ELAVL1: variants seen among roughly 807,000 people sequenced by gnomAD.
ELAVL1 encodes the protein ELAV-like protein 1.
A neutral mutation model predicts 28.4 loss-of-function variants in ELAVL1; 1 was observed. The observed-to-expected ratio is 0.04, with a 90% CI of 0.01 to 0.17. The LOEUF (loss-of-function observed/expected upper bound fraction) is 0.17, where lower values mean the gene tolerates loss of function less well. ELAVL1 is among the 10% of genes least tolerant of loss of function. The probability of loss-of-function intolerance (pLI) is 1.00; values close to 1 mark genes in which losing one functional copy is unlikely to be tolerated. For missense variants in ELAVL1, 157 were observed against 447.2 expected, an observed-to-expected ratio of 0.35 and a Z score of 5.85; for synonymous variants, 174 against 183.5, an observed-to-expected ratio of 0.95 and a Z score of 0.42.
chr19:7,974,713 T>A (rs1599668449), intron 3 of ELAVL1, among the ~76,000 whole-genome samples: 1 of 150,938 alleles, frequency 6.6e-6, no homozygotes, highest in African/African-American at 2.4e-5. Context: ...CCGAGAAGGG[T>A]GGGGACTTGA....
At chr19:7,994,379 C>T (rs899395912) in intron 1 of ELAVL1, among the ~76,000 whole-genome samples, 3 of 152,228 alleles carry the variant, frequency 2.0e-5, no homozygotes, top group Admixed American at 2.0e-4. Context: ...GACGGCCCCA[C>T]AACCAAGAAT....
chr19:7,963,953 G>A lies in ELAVL1; in HGVS notation c.657-146C>T, dbSNP rs146480472. The A allele has an allele frequency of 2.0e-4, 180 of 878,880 alleles. No individual in the cohort carries two copies. The East Asian group carries it at 4.5e-3, about 22-fold the overall frequency. 54.4% of individuals were successfully genotyped at this position (878,880 alleles called of 1,614,324 possible). A position where few individuals can be genotyped will look rare whatever the true frequency, so the allele number is the denominator to read the frequency against. Reference sequence around the variant, plus strand: ...GTGCTCACGGTTGAGACACCTGCATGGGTCAAAACCCTGGGAGGAATTAAA... The same window carrying A: ...GTGCTCACGGTTGAGACACCTGCATAGGTCAAAACCCTGGGAGGAATTAAA... On this transcript the variant is annotated intron_variant, in intron 5 of 5. Transcript: ENST00000407627. The surrounding 1 kb of genome is among the most constrained non-coding windows in gnomAD (Gnocchi z 4.5).
chr19:7,997,050 G>A lies in ELAVL1; in HGVS notation c.-16-5219C>T, dbSNP rs148798002. Among the ~76,000 whole-genome samples, 93 of 152,268 alleles carry A rather than the reference G, an allele frequency of 6.1e-4. 1 individual carries two copies. The highest frequency in any genetic ancestry group is 2.1e-3 in the African/African-American group (89 of 41,544). On this transcript the variant is annotated intron_variant, in intron 1 of 5. Transcript: ENST00000407627. ...ACAAAACAGACAATGTCAAGTGCTG[G>A]CAGGGATGTGGAGAAGCCAGAATAT...
At chr19:7,968,955 G>A (rs1599665435) in intron 4 of ELAVL1, among the ~76,000 whole-genome samples, 1 of 152,220 alleles carries the variant, frequency 6.6e-6, no homozygotes, top group African/African-American at 2.4e-5. Context: ...AGGCCCAGGG[G>A]TGGGAGAGGT....
In ELAVL1 at chr19:7,981,194, A is replaced by G. The variant is rs1327706196; in HGVS notation, c.173-8T>C. The G allele has an allele frequency of 6.2e-7, 1 of 1,614,126 alleles. No individual in the cohort carries two copies. Among genetic ancestry groups the G allele is most frequent in the Non-Finnish European group, 8.5e-7 (1 of 1,179,976 alleles). ...CATAGCCCAAGCTGTGTCCTGTGCA[A>G]GAGAACATGAAGACATTGGTAAGCC... On this transcript the variant is annotated splice_polypyrimidine_tract_variant and splice_region_variant and intron_variant, in intron 2 of 5. Transcript: ENST00000407627. The surrounding 1 kb of genome is among the most constrained non-coding windows in gnomAD (Gnocchi z 4.2).
intron 1 of ELAVL1, among the ~76,000 whole-genome samples, chr19:7,993,060 T>C (rs954989048): frequency 6.6e-6 from 1 of 152,244 alleles, no homozygotes; most frequent in African/African-American, 2.4e-5. Flanking sequence ...TGAGCCACTG[T>C]GTCCGGCTTC....
chr19:8,003,381 G>GAAAAA (rs71165249), intron 1 of ELAVL1, among the ~76,000 whole-genome samples: 8 of 88,726 alleles, frequency 9.0e-5, no homozygotes, highest in Non-Finnish European at 1.5e-4. Context: ...AAAAGAAAAA[G>GAAAAA]AAAAAAAAAA....
At position 7,967,228 on chromosome 19, in the gene ELAVL1, T is replaced by C. The variant is rs62123117; in HGVS notation, c.656+337A>G. Among the ~76,000 whole-genome samples the C allele has an allele frequency of 7.5e-3, 1,147 of 152,060 alleles. 5 individuals are homozygous for C. Among genetic ancestry groups the C allele is most frequent in the Non-Finnish European group, 0.013 (913 of 67,976 alleles). ...CTTTGTATTTTTTGTAGAGATGGGG[T>C]CTCGCAATATTGCCCAGGTTGGTCT... On this transcript the variant is annotated intron_variant, in intron 5 of 5. Coordinates refer to ENST00000407627, the MANE Select transcript of ELAVL1 (RefSeq NM_001419.3).
At chr19:8,003,647 G>C (rs1427639747) in intron 1 of ELAVL1, among the ~76,000 whole-genome samples, 1 of 141,420 alleles carries the variant, frequency 7.1e-6, no homozygotes, top group Non-Finnish European at 1.5e-5. Context: ...AGCCGAGATC[G>C]CACCACTGCA....
chr19:7,969,082 A>G (rs1478498448), intron 4 of ELAVL1, among the ~76,000 whole-genome samples: 1 of 152,214 alleles, frequency 6.6e-6, no homozygotes, highest in Non-Finnish European at 1.5e-5. Context: ...CAAGACTTTT[A>G]GTCAAGCCAG....
At chr19:7,999,148 G>A (rs184487923) in intron 1 of ELAVL1, among the ~76,000 whole-genome samples, 16 of 152,342 alleles carry the variant, frequency 1.1e-4, no homozygotes, top group Non-Finnish European at 1.6e-4. Context: ...CGAGGTAGGC[G>A]GATCACCTGA....
At chr19:7,969,979 A>AG (rs772977250) in intron 4 of ELAVL1, among the ~76,000 whole-genome samples, 10 of 150,558 alleles carry the variant, frequency 6.6e-5, no homozygotes, top group Non-Finnish European at 1.0e-4. Context: ...TTTTATTTTT[A>AG]ATTTTTTTTT....
chr19:7,977,645 G>A (rs1012890169), intron 3 of ELAVL1, among the ~76,000 whole-genome samples: 3 of 152,226 alleles, frequency 2.0e-5, no homozygotes, highest in Non-Finnish European at 4.4e-5. Flanking sequence ...ATGGGAAAAA[G>A]ATAGATAGGG....
intron 2 of ELAVL1, among the ~76,000 whole-genome samples, chr19:7,987,281 G>A (rs1985632639): frequency 6.6e-6 from 1 of 152,196 alleles, no homozygotes; most frequent in Admixed American, 6.5e-5. Context: ...CGTGAATGGG[G>A]CTGCAGCCTG....
chr19:7,971,699 C>T (rs1163136221), intron 4 of ELAVL1, among the ~76,000 whole-genome samples: 1 of 152,214 alleles, frequency 6.6e-6, no homozygotes, highest in Non-Finnish European at 1.5e-5. Context: ...TGCCAGGGCG[C>T]GAGTCTGTGC....
At chr19:8,003,691 CAAAAAAA>C (rs35438998) in intron 1 of ELAVL1, among the ~76,000 whole-genome samples, 1 of 80,778 alleles carries the variant, frequency 1.2e-5, no homozygotes, top group African/African-American at 4.9e-5. Context: ...GACTCCGTCT[CAAAAAAA>C]AAAAAAAAAA....
rs577361601 is a variant in ELAVL1, at chr19:7,959,178, T to C, written c.*4305A>G. 1 of 152,502 alleles carries C rather than the reference T, an allele frequency of 6.6e-6. No individual in the cohort carries two copies. Among genetic ancestry groups the C allele is most frequent in the East Asian group, 1.9e-4 (1 of 5,176 alleles). The allele number at this position is 152,502 out of a possible 1,614,324, so 9.4% of individuals were successfully genotyped here. On this transcript the variant is annotated 3_prime_UTR_variant, in exon 6 of 6. Transcript: ENST00000407627. ...CATAGGCATCTTCAAAAGAACACAATGGGATTCATTTTATTGTTGACTTTT... is the reference window on the plus strand; with the variant it reads ...CATAGGCATCTTCAAAAGAACACAACGGGATTCATTTTATTGTTGACTTTT...
At position 7,961,223 on chromosome 19, in the gene ELAVL1, G is replaced by A. The variant is rs1216567329; in HGVS notation, c.*2260C>T. On this transcript the variant is annotated 3_prime_UTR_variant, in exon 6 of 6. Transcript: ENST00000407627. ...CATCATTTTCACAGTTGAAGCTTAAGACAGAGTTCTCTGTTGAATGCTAGC... is the reference window on the plus strand; with the variant it reads ...CATCATTTTCACAGTTGAAGCTTAAAACAGAGTTCTCTGTTGAATGCTAGC... 1.3e-5 allele frequency: 2 copies of A among 152,268 alleles called. No individual in the cohort carries two copies. Among genetic ancestry groups the A allele is most frequent in the African/African-American group, 4.8e-5 (2 of 41,482 alleles). The allele number at this position is 152,268 out of a possible 1,614,324, so 9.4% of individuals were successfully genotyped here. A position where few individuals can be genotyped will look rare whatever the true frequency, so the allele number is the denominator to read the frequency against.
At chr19:7,968,766 T>C (rs1022119793) in intron 4 of ELAVL1, among the ~76,000 whole-genome samples, 2 of 152,164 alleles carry the variant, frequency 1.3e-5, no homozygotes, top group African/African-American at 4.8e-5. Context: ...AAGGAGAGCA[T>C]GGCTGTCCTG....
Sources: allele counts gnomAD v4.1 joint callset (sites outside exome capture counted in the v4.1 genomes callset), GRCh38; gene constraint gnomAD v4.1.1; non-coding constraint Gnocchi (gnomAD v3.1); transcripts MANE v1.5; gene names NCBI Gene and HGNC (gene_info 2026-07-23, HGNC 2026-07-21).